UVRAG: variants seen among roughly 807,000 people sequenced by gnomAD.
The protein encoded by UVRAG is UV radiation resistance associated.
UVRAG carries 19 observed loss-of-function variants against 78.0 expected under a neutral mutation model. The ratio of observed to expected loss-of-function variants is 0.24; its 90% CI spans 0.17 to 0.36. The LOEUF is 0.36. Ranked by LOEUF, UVRAG falls within the 10% of genes least tolerant of loss-of-function variation. The pLI is 1.00. For missense variants in UVRAG, 740 were observed against 853.8 expected (o/e 0.87, Z 1.66); for synonymous variants, 323 against 324.6 (o/e 1.00, Z 0.05).
chr11:76,127,940 A>T (rs1952440752), intron 14 of UVRAG, among the ~76,000 whole-genome samples: 1 of 152,124 alleles, frequency 6.6e-6, no homozygotes, highest in African/African-American at 2.4e-5. Flanking sequence ...CTGGGCAAAA[A>T]GAGCGAGACC....
chr11:75,956,133 CTAAGTAGAT>C (rs568539777), intron 6 of UVRAG, among the ~76,000 whole-genome samples: 21 of 152,016 alleles, frequency 1.4e-4, no homozygotes, highest in Non-Finnish European at 3.1e-4. Flanking sequence ...CTTTTTATTG[CTAAGTAGAT>C]TTTCATTATA....
intron 13 of UVRAG, among the ~76,000 whole-genome samples, chr11:76,071,131 A>G (rs531488522): frequency 1.3e-5 from 2 of 152,346 alleles, no homozygotes; most frequent in African/African-American, 4.8e-5. Flanking sequence ...AGAGAAAGTC[A>G]TTTTAGATTG....
At chr11:76,025,429 A>G (rs1008083125) in intron 12 of UVRAG, among the ~76,000 whole-genome samples, 1 of 152,162 alleles carries the variant, frequency 6.6e-6, no homozygotes, top group African/African-American at 2.4e-5. Flanking sequence ...GCCTTAAAAG[A>G]TGTCTGAAGT....
At chr11:75,890,727 A>G (rs1947196708) in intron 5 of UVRAG, among the ~76,000 whole-genome samples, 1 of 152,218 alleles carries the variant, frequency 6.6e-6, no homozygotes, top group Admixed American at 6.5e-5. Context: ...CATTGGAGTC[A>G]TAAGTGGTGA....
intron 13 of UVRAG, among the ~76,000 whole-genome samples, chr11:76,075,802 T>C (rs965294270): frequency 6.6e-6 from 1 of 152,162 alleles, no homozygotes; most frequent in Non-Finnish European, 1.5e-5. Context: ...TTTCTATAGA[T>C]TTGCTGTTCT....
At chr11:75,898,503 A>G (rs981215647) in intron 5 of UVRAG, among the ~76,000 whole-genome samples, 8 of 152,206 alleles carry the variant, frequency 5.3e-5, no homozygotes, top group Non-Finnish European at 1.0e-4. Flanking sequence ...TCTAATAGGT[A>G]TATAGTAAGT....
At chr11:76,053,600 AG>A (rs1257577802) in intron 12 of UVRAG, among the ~76,000 whole-genome samples, 1 of 152,130 alleles carries the variant, frequency 6.6e-6, no homozygotes, top group Non-Finnish European at 1.5e-5. Context: ...CCTCCTATCC[AG>A]GTCCTGTTCA....
intron 13 of UVRAG, among the ~76,000 whole-genome samples, chr11:76,111,125 C>T (rs1023024242): frequency 1.3e-5 from 2 of 152,082 alleles, no homozygotes; most frequent in East Asian, 1.9e-4. Context: ...GTTTAAGTCA[C>T]TTCTCTACTA....
intron 8 of UVRAG, among the ~76,000 whole-genome samples, 161 bp from the exon 9 acceptor site, chr11:76,003,844 G>A (rs1006223987): frequency 1.3e-5 from 2 of 152,132 alleles, no homozygotes; most frequent in Non-Finnish European, 2.9e-5. Flanking sequence ...CAATAGGGAA[G>A]TTTATTCTAG....
chr11:75,918,210 C>CAAAAAAAAAAA (rs67178910), intron 6 of UVRAG, among the ~76,000 whole-genome samples: 20 of 55,440 alleles, frequency 3.6e-4, no homozygotes, highest in African/African-American at 7.0e-4. Context: ...ACTAAAAATA[C>CAAAAAAAAAAA]AAAAAAAAAA....
intron 6 of UVRAG, among the ~76,000 whole-genome samples, chr11:75,919,001 A>G (rs2135058079): frequency 6.6e-6 from 1 of 152,274 alleles, no homozygotes; most frequent in East Asian, 1.9e-4. Context: ...GTGTTTTGGG[A>G]AGACCTTTAT....
intron 6 of UVRAG, among the ~76,000 whole-genome samples, chr11:75,949,325 A>T (rs557330223): frequency 6.6e-6 from 1 of 152,022 alleles, no homozygotes; most frequent in South Asian, 2.1e-4. Context: ...CTAATTTCTT[A>T]AGTATTGATA....
intron 6 of UVRAG, among the ~76,000 whole-genome samples, chr11:75,935,726 G>A (rs1338303187): frequency 6.8e-6 from 1 of 147,614 alleles, no homozygotes; most frequent in Non-Finnish European, 1.5e-5. Flanking sequence ...CTAACCATTT[G>A]AAAGTAAATT....
At chr11:76,081,570 T>C (rs943773871) in intron 13 of UVRAG, among the ~76,000 whole-genome samples, 2 of 152,104 alleles carry the variant, frequency 1.3e-5, no homozygotes, top group African/African-American at 4.8e-5. Flanking sequence ...TTGAAGTAAA[T>C]AATCTTTTCA....
chr11:75,877,535 C>T (rs1331231484), intron 3 of UVRAG, among the ~76,000 whole-genome samples: 27 of 144,572 alleles, frequency 1.9e-4, no homozygotes, highest in East Asian at 8.6e-4. Context: ...CCCTCCCGGA[C>T]GGGGTGGCTG....
intron 14 of UVRAG, among the ~76,000 whole-genome samples, chr11:76,131,398 C>G (rs991949142): frequency 2.0e-5 from 3 of 152,138 alleles, no homozygotes; most frequent in African/African-American, 7.2e-5. Context: ...GCCATGGAGG[C>G]CTGATGGCCA....
chr11:75,880,807 G>A (rs560745955), intron 4 of UVRAG, among the ~76,000 whole-genome samples: 1 of 151,688 alleles, frequency 6.6e-6, no homozygotes, highest in Non-Finnish European at 1.5e-5. Flanking sequence ...CACCCGCCTC[G>A]GCCTCCCAAA....
intron 1 of UVRAG, among the ~76,000 whole-genome samples, chr11:75,851,012 A>G (rs1946143427): frequency 6.6e-6 from 1 of 152,198 alleles, no homozygotes; most frequent in African/African-American, 2.4e-5. Context: ...AGCCTGCGGG[A>G]GAGCTTTAAG....
intron 13 of UVRAG, among the ~76,000 whole-genome samples, chr11:76,103,686 T>A (rs934406176): frequency 1.3e-5 from 2 of 152,004 alleles, no homozygotes; most frequent in Admixed American, 1.3e-4. Context: ...GCTATTATAG[T>A]AAAATTAATA....
Sources: gnomAD v4.1 joint callset for allele counts (sites outside exome capture counted in the v4.1 genomes callset) on GRCh38, gnomAD v4.1.1 for gene constraint, MANE v1.5 for transcripts, NCBI Gene and HGNC (gene_info 2026-07-23, HGNC 2026-07-21) for gene names.